LHFPL6: variants seen among roughly 807,000 people sequenced by gnomAD.
The protein encoded by LHFPL6 is LHFPL tetraspan subfamily member 6 protein.
A neutral mutation model predicts 20.6 loss-of-function variants in LHFPL6; 9 were observed. The ratio of observed to expected loss-of-function variants is 0.44; its 90% confidence interval spans 0.26 to 0.76. LHFPL6 has a LOEUF of 0.76. LHFPL6 is among the 30% of genes least tolerant of loss of function. The probability of loss-of-function intolerance (pLI) is 0.20; values close to 1 mark genes in which losing one functional copy is unlikely to be tolerated. For synonymous variants in LHFPL6, 105 were observed against 98.7 expected (o/e 1.06, Z -0.38); for missense variants, 218 against 253.5 (o/e 0.86, Z 0.95).
chr13:39,387,541 G>C (rs186662002), intron 2 of LHFPL6, among the ~76,000 whole-genome samples: 3 of 66,292 alleles, frequency 4.5e-5, no homozygotes, highest in African/African-American at 1.2e-4. Flanking sequence ...GTGAGAGACT[G>C]TCTCACAAAA....
At chr13:39,554,354 C>CTAAAGAGGAA (rs1190368577) in intron 2 of LHFPL6, among the ~76,000 whole-genome samples, 2 of 152,156 alleles carry the variant, frequency 1.3e-5, no homozygotes, top group Non-Finnish European at 2.9e-5. Flanking sequence ...TCTTTAATCG[C>CTAAAGAGGAA]TAAAGAGGAA....
At chr13:39,510,602 C>T (rs1593342280) in intron 2 of LHFPL6, among the ~76,000 whole-genome samples, 2 of 152,174 alleles carry the variant, frequency 1.3e-5, no homozygotes, top group South Asian at 2.1e-4. Flanking sequence ...TTCAACAAAC[C>T]TTATGTCAAT....
chr13:39,509,408 T>C (rs147399549), intron 2 of LHFPL6, among the ~76,000 whole-genome samples: 1 of 152,254 alleles, frequency 6.6e-6, no homozygotes, highest in East Asian at 1.9e-4. Context: ...TCTAGAAGTT[T>C]TATAGTTGGG....
intron 2 of LHFPL6, among the ~76,000 whole-genome samples, chr13:39,434,868 A>G (rs1470249788): frequency 6.6e-6 from 1 of 151,824 alleles, no homozygotes; most frequent in African/African-American, 2.4e-5. Context: ...CATCCTGGCT[A>G]ACAAGGTGAA....
At chr13:39,488,406 C>A (rs9566439) in intron 2 of LHFPL6, among the ~76,000 whole-genome samples, 33,349 of 152,056 alleles carry the variant, frequency 0.22, 5,652 homozygotes, top group East Asian at 0.73. Context: ...GTGAGCTCTG[C>A]GAACAGGTGA....
At chr13:39,480,588 G>T (rs892760726) in intron 2 of LHFPL6, among the ~76,000 whole-genome samples, 22 of 152,140 alleles carry the variant, frequency 1.4e-4, no homozygotes, top group Non-Finnish European at 2.9e-4. Context: ...ATGCCATAAT[G>T]GTAACATCTT....
At chr13:39,588,922 T>C (rs1333886442) in intron 2 of LHFPL6, among the ~76,000 whole-genome samples, 1 of 152,218 alleles carries the variant, frequency 6.6e-6, no homozygotes, top group African/African-American at 2.4e-5. Context: ...TGAAACTTTC[T>C]TTTTTATCCA....
intron 2 of LHFPL6, among the ~76,000 whole-genome samples, chr13:39,527,556 T>A (rs1223362119): frequency 6.6e-6 from 1 of 152,152 alleles, no homozygotes; most frequent in Non-Finnish European, 1.5e-5. Flanking sequence ...CATGTCAGGT[T>A]TCAAGTCTTG....
At chr13:39,418,491 C>T (rs1222004567) in intron 2 of LHFPL6, among the ~76,000 whole-genome samples, 2 of 146,480 alleles carry the variant, frequency 1.4e-5, no homozygotes, top group African/African-American at 2.5e-5. Flanking sequence ...GACTTATGTA[C>T]ATTTTATCCA....
chr13:39,411,867 T>C (rs1370155641), intron 2 of LHFPL6, among the ~76,000 whole-genome samples: 1 of 152,260 alleles, frequency 6.6e-6, no homozygotes, highest in African/African-American at 2.4e-5. Context: ...CAGTGGGATG[T>C]GGCCATTAAG....
chr13:39,395,476 T>C (rs1236110152), intron 2 of LHFPL6, among the ~76,000 whole-genome samples: 1 of 152,206 alleles, frequency 6.6e-6, no homozygotes, highest in East Asian at 1.9e-4. Flanking sequence ...ATCTAAAAAA[T>C]ATAATTCTTT....
intron 2 of LHFPL6, among the ~76,000 whole-genome samples, chr13:39,579,827 G>A (rs373098936): frequency 6.4e-4 from 97 of 152,260 alleles, no homozygotes; most frequent in African/African-American, 2.2e-3. Flanking sequence ...GAAGCTTGCT[G>A]TTGGTAGAAT....
chr13:39,516,396 G>C (rs1869918023), intron 2 of LHFPL6, among the ~76,000 whole-genome samples: 2 of 152,262 alleles, frequency 1.3e-5, no homozygotes. Context: ...CCCCTGGCTT[G>C]ATTTTGCTGT....
intron 2 of LHFPL6, among the ~76,000 whole-genome samples, chr13:39,453,525 T>A (rs924590285): frequency 6.6e-6 from 1 of 152,236 alleles, no homozygotes; most frequent in Admixed American, 6.5e-5. Flanking sequence ...TAAAAACTTA[T>A]ATTGATTATC....
At chr13:39,554,857 T>C (rs557780261) in intron 2 of LHFPL6, among the ~76,000 whole-genome samples, 2 of 152,340 alleles carry the variant, frequency 1.3e-5, no homozygotes, top group South Asian at 2.1e-4. Context: ...CTTAGTCAAG[T>C]ACTAAAGGTT....
intron 2 of LHFPL6, among the ~76,000 whole-genome samples, chr13:39,450,213 G>A (rs1314478530): frequency 6.6e-6 from 1 of 152,166 alleles, no homozygotes; most frequent in Non-Finnish European, 1.5e-5. Flanking sequence ...GGTTCTATGA[G>A]AGCAGAGATA....
chr13:39,429,491 T>C (rs79781610), intron 2 of LHFPL6, among the ~76,000 whole-genome samples: 4,288 of 152,252 alleles, frequency 0.028, 176 homozygotes, highest in African/African-American at 0.09. Context: ...CCTATTTGTG[T>C]CTTTAAATTT....
At chr13:39,509,699 C>T (rs1261188295) in intron 2 of LHFPL6, among the ~76,000 whole-genome samples, 2 of 152,162 alleles carry the variant, frequency 1.3e-5, no homozygotes, top group Non-Finnish European at 2.9e-5. Flanking sequence ...GTGGCTCACG[C>T]CTGTAATCCC....
intron 2 of LHFPL6, among the ~76,000 whole-genome samples, chr13:39,420,189 T>C (rs1871445141): frequency 6.6e-6 from 1 of 152,200 alleles, no homozygotes. Context: ...ATAAGGCTTA[T>C]TTTCCAAAGA....
Sources: allele counts gnomAD v4.1 joint callset (sites outside exome capture counted in the v4.1 genomes callset), GRCh38; gene constraint gnomAD v4.1.1; transcripts MANE v1.5; gene names NCBI Gene and HGNC (gene_info 2026-07-23, HGNC 2026-07-21).